RAB31: variants seen among roughly 807,000 people sequenced by gnomAD.
RAB31 encodes ras-related protein Rab-31.
RAB31 carries 21 observed loss-of-function variants against 25.6 expected under a neutral mutation model. That is an observed-to-expected ratio of 0.82 (90% CI 0.58 to 1.18). The LOEUF is 1.18. Ranked by LOEUF, RAB31 falls within the 50% of genes most tolerant of loss-of-function variation. The pLI, the probability that RAB31 is intolerant of heterozygous loss-of-function variation, is 0.00. For missense variants in RAB31, 196 were observed against 250.1 expected, an observed-to-expected ratio of 0.78 and a Z score of 1.46; for synonymous variants, 87 against 84.0, an observed-to-expected ratio of 1.04 and a Z score of -0.20.
intron 5 of RAB31, among the ~76,000 whole-genome samples, chr18:9,822,900 C>T (rs1207128026): frequency 6.6e-6 from 1 of 152,224 alleles, no homozygotes; most frequent in Non-Finnish European, 1.5e-5. Flanking sequence ...GCCTGGCAAT[C>T]ACATTCACGG....
At chr18:9,730,929 C>T (rs1025152543) in intron 1 of RAB31, among the ~76,000 whole-genome samples, 1 of 152,146 alleles carries the variant, frequency 6.6e-6, no homozygotes, top group Non-Finnish European at 1.5e-5. Context: ...CAGTGTTTAT[C>T]GTCTCCCATG....
chr18:9,757,738 A>T (rs1161837706), intron 1 of RAB31, among the ~76,000 whole-genome samples: 6 of 152,044 alleles, frequency 3.9e-5, no homozygotes, highest in Admixed American at 3.9e-4. Context: ...CCCTTTGGGG[A>T]ATGTGCAGGA....
chr18:9,858,822 T>G (rs2068832038), intron 6 of RAB31, among the ~76,000 whole-genome samples: 1 of 152,184 alleles, frequency 6.6e-6, no homozygotes, highest in Non-Finnish European at 1.5e-5. Flanking sequence ...TACTCACTGT[T>G]ACTGTTGAAG....
chr18:9,720,572 C>A (rs1252347171), intron 1 of RAB31, among the ~76,000 whole-genome samples: 1 of 151,422 alleles, frequency 6.6e-6, no homozygotes, highest in African/African-American at 2.4e-5. Flanking sequence ...GCTTCACTTA[C>A]ATGAGACACA....
chr18:9,770,655 T>C (rs1475061417), intron 1 of RAB31, among the ~76,000 whole-genome samples: 2 of 152,222 alleles, frequency 1.3e-5, no homozygotes, highest in Admixed American at 6.5e-5. Flanking sequence ...AGGGTTTTAC[T>C]GTACTTTATT....
chr18:9,753,662 T>G (rs1251463790), intron 1 of RAB31, among the ~76,000 whole-genome samples: 1 of 152,152 alleles, frequency 6.6e-6, no homozygotes, highest in East Asian at 1.9e-4. Context: ...CTGTAAAGCT[T>G]TTTTGAAGGT....
chr18:9,765,773 C>G (rs989617693), intron 1 of RAB31, among the ~76,000 whole-genome samples: 1 of 152,156 alleles, frequency 6.6e-6, no homozygotes, highest in Non-Finnish European at 1.5e-5. Flanking sequence ...AACTGGAGCT[C>G]TCCCGGGAGT....
Position 9,861,297 on chromosome 18 carries a change from G to A in RAB31, c.*1972G>A, listed in dbSNP as rs2068846261. On this transcript the variant is annotated 3_prime_UTR_variant, in exon 7 of 7. Transcript: ENST00000578921. ...TTTGCATCTTTGGGCTGGGTTTGCAGTGGTTGTGTTTTGCATAAAATGTCT... is the reference window on the plus strand; with the variant it reads ...TTTGCATCTTTGGGCTGGGTTTGCAATGGTTGTGTTTTGCATAAAATGTCT... 1 of 152,172 alleles carries A rather than the reference G, an allele frequency of 6.6e-6. No individual in the cohort carries two copies. The highest frequency in any genetic ancestry group is 6.5e-5 in the Admixed American group (1 of 15,286). The allele number at this position is 152,172 out of a possible 1,614,324, so 9.4% of individuals were successfully genotyped here. A position where few individuals can be genotyped will look rare whatever the true frequency, so the allele number is the denominator to read the frequency against.
At chr18:9,756,169 C>G (rs942064372) in intron 1 of RAB31, among the ~76,000 whole-genome samples, 1 of 152,196 alleles carries the variant, frequency 6.6e-6, no homozygotes, top group Admixed American at 6.5e-5. Flanking sequence ...TTCTCAAACT[C>G]TGTACTCCCT....
rs1170264030 is a variant in RAB31 at position 9,846,274 on chromosome 18, C to T, written c.490+583C>T. Reference sequence around the variant, plus strand: ...TTATGCTCACTGTATGCCGGCTCCCCGGGAATAACCTTATCAACCAGAGCT... The same window carrying T: ...TTATGCTCACTGTATGCCGGCTCCCTGGGAATAACCTTATCAACCAGAGCT... On this transcript the variant is annotated intron_variant, in intron 6 of 6. Transcript: ENST00000578921. 3.3e-5 allele frequency among the ~76,000 whole-genome samples: 5 copies of T among 152,188 alleles called. No individual in the cohort carries two copies. In the East Asian group the frequency reaches 7.7e-4, roughly 23 times the overall value.
intron 6 of RAB31, among the ~76,000 whole-genome samples, chr18:9,852,353 A>G (rs1033708912): frequency 1.3e-5 from 2 of 152,238 alleles, no homozygotes; most frequent in Admixed American, 1.3e-4. Context: ...TCAGTGGTCA[A>G]ATTTCCAAAA....
intron 5 of RAB31, among the ~76,000 whole-genome samples, chr18:9,818,477 CT>C (rs1248972640): frequency 2.6e-5 from 4 of 152,080 alleles, no homozygotes; most frequent in Non-Finnish European, 5.9e-5. Context: ...AATATGTGGT[CT>C]TTTGTGACCA....
intron 6 of RAB31, 144 bp downstream of exon 6, chr18:9,845,835 AGTT>A: frequency 8.0e-7 from 1 of 1,251,474 alleles, no homozygotes; most frequent in Non-Finnish European, 1.1e-6. Context: ...ACAGCTATGC[AGTT>A]GTTAATACCC....
At chr18:9,785,995 G>A (rs1204103841) in intron 2 of RAB31, among the ~76,000 whole-genome samples, 1 of 152,044 alleles carries the variant, frequency 6.6e-6, no homozygotes, top group East Asian at 1.9e-4. Flanking sequence ...CAGTTGCAGT[G>A]AGCTGAGATC....
At chr18:9,837,008 C>CTG (rs1230331902) in intron 5 of RAB31, among the ~76,000 whole-genome samples, 4 of 149,884 alleles carry the variant, frequency 2.7e-5, no homozygotes, top group African/African-American at 7.4e-5. Context: ...AGGGGAGAGT[C>CTG]TGTGTGTGTG....
At chr18:9,742,942 A>G (rs1301635992) in intron 1 of RAB31, among the ~76,000 whole-genome samples, 1 of 152,198 alleles carries the variant, frequency 6.6e-6, no homozygotes, top group African/African-American at 2.4e-5. Flanking sequence ...ATGTTTTTCA[A>G]AGTCGCAAAT....
chr18:9,755,252 A>T (rs1439639077), intron 1 of RAB31, among the ~76,000 whole-genome samples: 9 of 152,114 alleles, frequency 5.9e-5, no homozygotes. Flanking sequence ...TTGGAATCTC[A>T]TTAGCTCCGT....
intron 1 of RAB31, among the ~76,000 whole-genome samples, chr18:9,731,636 C>T (rs562925717): frequency 7.3e-6 from 1 of 137,406 alleles, no homozygotes; most frequent in Admixed American, 7.7e-5. Context: ...CTAGCTCTAT[C>T]ACCCTGGCTG....
chr18:9,846,808 T>C (rs2068764265), intron 6 of RAB31, among the ~76,000 whole-genome samples: 1 of 152,186 alleles, frequency 6.6e-6, no homozygotes, highest in African/African-American at 2.4e-5. Context: ...GAGAATTCAT[T>C]GGAGATGGGG....
Sources: gnomAD v4.1 joint callset for allele counts (sites outside exome capture counted in the v4.1 genomes callset) on GRCh38, gnomAD v4.1.1 for gene constraint, MANE v1.5 for transcripts, NCBI Gene and HGNC (gene_info 2026-07-23, HGNC 2026-07-21) for gene names.